Variants in DPYD observed in about 807,000 individuals in gnomAD.
DPYD encodes the protein dihydropyrimidine dehydrogenase.
Under a neutral mutation model 116.2 loss-of-function variants are expected in DPYD, and 109 were observed. That is an observed-to-expected ratio of 0.94 (90% CI 0.80 to 1.10). The LOEUF is 1.10. DPYD is among the 50% of genes least tolerant of loss of function. The pLI is 0.00. For missense variants in DPYD, 1,302 were observed against 1,254.5 expected (o/e 1.04, Z -0.57); for synonymous variants, 440 against 432.0 (o/e 1.02, Z -0.23).
At chr1:97,269,974 T>C (rs1664472876) in intron 18 of DPYD, among the ~76,000 whole-genome samples, 1 of 152,186 alleles carries the variant, frequency 6.6e-6, no homozygotes, top group Non-Finnish European at 1.5e-5. Context: ...GAAAAGCATA[T>C]GAGATTATGT....
At chr1:97,219,792 C>G (rs1660662295) in intron 19 of DPYD, among the ~76,000 whole-genome samples, 1 of 151,990 alleles carries the variant, frequency 6.6e-6, no homozygotes, top group African/African-American at 2.4e-5. Flanking sequence ...AAGACCTTGC[C>G]ACTCTTTGGA....
chr1:97,227,007 A>C (rs1010547278), intron 19 of DPYD, among the ~76,000 whole-genome samples: 5 of 152,114 alleles, frequency 3.3e-5, no homozygotes, highest in Non-Finnish European at 7.4e-5. Context: ...ATTCGCTCAA[A>C]AATTTTGAAG....
At chr1:97,396,042 C>T (rs1180490339) in intron 14 of DPYD, among the ~76,000 whole-genome samples, 1 of 151,758 alleles carries the variant, frequency 6.6e-6, no homozygotes, top group African/African-American at 2.4e-5. Flanking sequence ...ATAATTGTTT[C>T]AATCCCAAAT....
At chr1:97,205,368 C>G (rs1022652707) in intron 19 of DPYD, among the ~76,000 whole-genome samples, 1 of 151,786 alleles carries the variant, frequency 6.6e-6, no homozygotes, top group Non-Finnish European at 1.5e-5. Flanking sequence ...TTTTTACTGT[C>G]TCCATAGTTT....
chr1:97,229,248 TAAA>T (rs1261777617), intron 19 of DPYD, among the ~76,000 whole-genome samples: 1 of 86,036 alleles, frequency 1.2e-5, no homozygotes. Context: ...TGATGGGAAG[TAAA>T]AAAAAAAAAA....
At chr1:97,289,660 A>G in intron 18 of DPYD, among the ~76,000 whole-genome samples, 1 of 152,176 alleles carries the variant, frequency 6.6e-6, no homozygotes, top group East Asian at 1.9e-4. Flanking sequence ...AAAACTCTCA[A>G]TAAATTAGGT....
At chr1:97,127,730 G>A (rs1308326483) in intron 20 of DPYD, among the ~76,000 whole-genome samples, 1 of 151,970 alleles carries the variant, frequency 6.6e-6, no homozygotes, top group East Asian at 1.9e-4. Context: ...TATTTTTTTA[G>A]TTATTTTGAG....
chr1:97,792,781 GA>G (rs1234633055), intron 3 of DPYD, among the ~76,000 whole-genome samples: 1 of 152,032 alleles, frequency 6.6e-6, no homozygotes, highest in African/African-American at 2.4e-5. Context: ...TAATCATGAG[GA>G]AAACATCAGA....
intron 14 of DPYD, among the ~76,000 whole-genome samples, chr1:97,390,501 G>A (rs1410018900): frequency 2.6e-5 from 4 of 151,966 alleles, no homozygotes; most frequent in South Asian, 2.1e-4. Flanking sequence ...TGAGATTGGT[G>A]CAATATTCCT....
intron 18 of DPYD, among the ~76,000 whole-genome samples, chr1:97,284,539 G>A (rs1179846322): frequency 6.6e-6 from 1 of 151,884 alleles, no homozygotes; most frequent in Non-Finnish European, 1.5e-5. Flanking sequence ...ATCTTTTAAT[G>A]TGCTGTTGAA....
intron 11 of DPYD, among the ~76,000 whole-genome samples, chr1:97,555,293 T>A (rs1282374195): frequency 6.6e-6 from 1 of 152,132 alleles, no homozygotes; most frequent in Non-Finnish European, 1.5e-5. Context: ...CCACTGCACT[T>A]TCTCTGTCAG....
rs932601228 is a variant in DPYD, at chr1:97,624,620, A to G, written c.851-29454T>C. 3.3e-5 allele frequency among the ~76,000 whole-genome samples: 5 copies of G among 152,026 alleles called. No homozygotes were observed. In the South Asian group the frequency reaches 1.0e-3, roughly 31 times the overall value. On this transcript the variant is annotated intron_variant, in intron 8 of 22. Transcript: ENST00000370192. ...CCAGAAATCCCACTTCTGGGTATTTACCCAAAAGATTTGAAATCAGTTTGT... is the reference window on the plus strand; with the variant it reads ...CCAGAAATCCCACTTCTGGGTATTTGCCCAAAAGATTTGAAATCAGTTTGT...
chr1:97,748,297 T>C (rs2101090046), intron 3 of DPYD, among the ~76,000 whole-genome samples: 1 of 152,202 alleles, frequency 6.6e-6, no homozygotes, highest in Admixed American at 6.5e-5. Flanking sequence ...AGATAGATTA[T>C]GGGTTCATCC....
intron 21 of DPYD, among the ~76,000 whole-genome samples, chr1:97,092,182 T>A (rs896962983): frequency 6.6e-6 from 1 of 152,188 alleles, no homozygotes; most frequent in East Asian, 1.9e-4. Context: ...TTATTTGTCA[T>A]TGTCTGTTTC....
At chr1:97,719,443 G>T (rs1662800259) in intron 5 of DPYD, among the ~76,000 whole-genome samples, 2 of 151,712 alleles carry the variant, frequency 1.3e-5, no homozygotes, top group Admixed American at 1.3e-4. Context: ...AAATAGATTT[G>T]TATTTCTTTA....
intron 8 of DPYD, among the ~76,000 whole-genome samples, chr1:97,668,455 T>C (rs1170147264): frequency 2.0e-5 from 3 of 152,162 alleles, no homozygotes; most frequent in African/African-American, 7.2e-5. Context: ...AATGTAGCTA[T>C]TCTATTTATT....
At chr1:97,533,329 A>G (rs981459615) in intron 12 of DPYD, among the ~76,000 whole-genome samples, 2 of 152,186 alleles carry the variant, frequency 1.3e-5, no homozygotes, top group Non-Finnish European at 2.9e-5. Flanking sequence ...CATACAAACC[A>G]AAGAGTCTGT....
intron 1 of DPYD, among the ~76,000 whole-genome samples, chr1:97,904,293 C>T (rs1266804475): frequency 1.3e-5 from 2 of 151,984 alleles, no homozygotes; most frequent in African/African-American, 4.8e-5. Context: ...AATGATTATA[C>T]AGGATCCACT....
rs181407051 is a variant in DPYD, at chr1:97,882,931, T to C, written c.150+333A>G. Among the ~76,000 whole-genome samples, 34 of 152,150 alleles carry C rather than the reference T, an allele frequency of 2.2e-4. No individual in the cohort carries two copies. The East Asian group carries it at 5.4e-3, about 24-fold the overall frequency. On this transcript the variant is annotated intron_variant, in intron 2 of 22. Transcript: ENST00000370192. ...ACAATTTTAAAACAAATTTTAAAGA[T>C]TTTGAAAAAAGAAATTTTGGCACCA... is the stretch of plus-strand genomic sequence containing the variant.
Sources: allele counts gnomAD v4.1 joint callset (sites outside exome capture counted in the v4.1 genomes callset), GRCh38; gene constraint gnomAD v4.1.1; transcripts MANE v1.5; gene names NCBI Gene and HGNC (gene_info 2026-07-23, HGNC 2026-07-21).